SLC24A1: variants seen among roughly 807,000 people sequenced by gnomAD.
SLC24A1 encodes solute carrier family 24 member 1.
Under a neutral mutation model 88.1 loss-of-function variants are expected in SLC24A1, and 52 were observed. That is an observed-to-expected ratio of 0.59 (90% CI 0.47 to 0.74). SLC24A1 has a LOEUF of 0.74. Ranked by LOEUF, SLC24A1 falls within the 30% of genes least tolerant of loss-of-function variation. SLC24A1 has a pLI of 0.00. For synonymous variants in SLC24A1, 455 were observed against 498.0 expected (o/e 0.91, Z 1.15); for missense variants, 1,173 against 1,363.3 (o/e 0.86, Z 2.20).
At position 65,624,905 on chromosome 15, in the gene SLC24A1, C is replaced by A. The variant is rs1482262796; in HGVS notation, c.825C>A (p.Val275=). The stretch of plus-strand genomic sequence containing the variant: ...ACGTCTTGACTTCTCCAAGGAGCGT[C>A]ATGGAAAAAAACAACCTGTTTCCCC... ...EANVLTSPRS[V]MEKNNLFPPR... Residue 275 remains valine, a synonymous_variant, in exon 2 of 10, where the codon GTC becomes GTA. Transcript: ENST00000261892. 1.2e-6 allele frequency: 2 copies of A among 1,613,192 alleles called. No individual in the cohort carries two copies. Among genetic ancestry groups the A allele is most frequent in the Non-Finnish European group, 1.7e-6 (2 of 1,179,684 alleles).
chr15:65,652,035 C>T (rs1294575344), intron 8 of SLC24A1: 1 of 435,156 alleles, frequency 2.3e-6, no homozygotes, highest in South Asian at 2.0e-5. Context: ...TTCCTGCTTT[C>T]TCTGCCATGT....
intron 6 of SLC24A1, among the ~76,000 whole-genome samples, chr15:65,647,789 A>C (rs893565974): frequency 2.0e-5 from 3 of 152,178 alleles, no homozygotes; most frequent in South Asian, 2.1e-4. Flanking sequence ...AATCTTCTCA[A>C]TCCTCATTCT....
chr15:65,624,152 C>A lies in SLC24A1; in HGVS notation c.72C>A (p.Arg24=). ...LLRTKRLHWS[R]LLFLLGMLII... is the part of the protein sequence containing the mutation. ...GGACAAAGCGGCTTCATTGGAGTCG[C>A]CTCCTCTTCTTACTGGGAATGTTGA... Residue 24 remains arginine (R), a synonymous_variant, in exon 2 of 10, where the codon CGC becomes CGA. Transcript: ENST00000261892. 6.2e-7 allele frequency: 1 copy of A among 1,613,708 alleles called. No individual in the cohort carries two copies.
downstream of SLC24A1, among the ~76,000 whole-genome samples, chr15:65,657,367 C>T (rs188924034): frequency 6.6e-6 from 1 of 152,034 alleles, no homozygotes; most frequent in Admixed American, 6.6e-5. Flanking sequence ...AAGGGCCGGG[C>T]GCGGTGGCTC....
rs1467689441 is a variant in SLC24A1, at chr15:65,622,103, T to C, written c.-127+11T>C. 6.6e-6 allele frequency: 1 copy of C among 152,120 alleles called. No individual in the cohort carries two copies. Among genetic ancestry groups the C allele is most frequent in the Non-Finnish European group, 1.5e-5 (1 of 68,046 alleles). 9.4% of individuals were successfully genotyped at this position (152,120 alleles called of 1,614,324 possible). ...TGTCAAGGTCTGAAGGTAAATGATGTAATTAGGTAGGAGGGATCAGCTGGG... is the reference window on the plus strand; with the variant it reads ...TGTCAAGGTCTGAAGGTAAATGATGCAATTAGGTAGGAGGGATCAGCTGGG... On this transcript the variant is annotated intron_variant, in intron 1 of 9. Coordinates refer to ENST00000261892, the MANE Select transcript of SLC24A1 (RefSeq NM_004727.3).
At chr15:65,629,880 C>T (rs1012644681) in intron 2 of SLC24A1, among the ~76,000 whole-genome samples, 4 of 149,644 alleles carry the variant, frequency 2.7e-5, no homozygotes, top group East Asian at 3.9e-4. Flanking sequence ...AGCTCCGTAC[C>T]CACACTCTTC....
intron 2 of SLC24A1, among the ~76,000 whole-genome samples, chr15:65,626,854 G>A (rs971896597): frequency 2.0e-5 from 3 of 152,146 alleles, no homozygotes; most frequent in Non-Finnish European, 4.4e-5. Context: ...ATCATTCCAA[G>A]TTTTTTGTTC....
intron 6 of SLC24A1, among the ~76,000 whole-genome samples, chr15:65,648,271 A>G (rs2141685359): frequency 6.6e-6 from 1 of 152,262 alleles, no homozygotes; most frequent in Non-Finnish European, 1.5e-5. Context: ...AAACAAAAAA[A>G]AAAGCCTTCA....
At chr15:65,635,673 A>G (rs770202596) in intron 2 of SLC24A1, among the ~76,000 whole-genome samples, 1 of 152,174 alleles carries the variant, frequency 6.6e-6, no homozygotes, top group East Asian at 1.9e-4. Flanking sequence ...ATTCATTTTT[A>G]TGTTCATTCA....
At chr15:65,639,172 T>C (rs2075039013) in intron 3 of SLC24A1, among the ~76,000 whole-genome samples, 1 of 152,204 alleles carries the variant, frequency 6.6e-6, no homozygotes, top group Admixed American at 6.6e-5. Flanking sequence ...TTTGCTTGTC[T>C]CTGGGAGTGG....
rs764875469 is a variant in SLC24A1, at chr15:65,625,512, G to A, written c.1432G>A (p.Val478Ile). Reference sequence around the variant, plus strand: ...GGCCATTGTTTGCGACGAGTACTTCGTTCCAGCCCTGGGTGTCATCACAGA... The same window carrying A: ...GGCCATTGTTTGCGACGAGTACTTCATTCCAGCCCTGGGTGTCATCACAGA... ...ALAIVCDEYFVPALGVITDKL... is the reference protein window; with the variant it reads ...ALAIVCDEYFIPALGVITDKL... Residue 478 changes from valine to isoleucine, a missense_variant, in exon 2 of 10, where the codon GTT (valine) becomes ATT (isoleucine). By Grantham distance (29) the Val-to-Ile change is conservative. Transcript: ENST00000261892. 1.1e-5 allele frequency: 18 copies of A among 1,613,892 alleles called. No individual in the cohort carries two copies. Among genetic ancestry groups the A allele is most frequent in the African/African-American group, 2.7e-5 (2 of 74,922 alleles).
chr15:65,643,094 C>A, intron 4 of SLC24A1: 1 of 1,119,932 alleles, frequency 8.9e-7, no homozygotes, highest in Non-Finnish European at 1.2e-6. Flanking sequence ...AGAGTGCTTT[C>A]TAGGTGCCAG....
chr15:65,657,839 G>A (rs1404517563), downstream of SLC24A1, among the ~76,000 whole-genome samples: 2 of 152,126 alleles, frequency 1.3e-5, no homozygotes, highest in East Asian at 1.9e-4. Flanking sequence ...GTTCACTAAC[G>A]CCTACAGGAC....
Position 65,624,701 on chromosome 15 carries a change from A to G in SLC24A1, c.621A>G (p.Thr207=). The G allele has an allele frequency of 6.2e-7, 1 of 1,609,116 alleles. No homozygotes were observed. The highest frequency in any genetic ancestry group is 8.5e-7 in the Non-Finnish European group (1 of 1,177,490). Reference sequence around the variant, plus strand: ...CTTACGTGCCGTCCACATTCATGACAATGGAAACAAGCCATGCGATCACCC... The same window carrying G: ...CTTACGTGCCGTCCACATTCATGACGATGGAAACAAGCCATGCGATCACCC... ...VGTYVPSTFM[T]METSHAITPR... The change falls in exon 2 of 10, where the codon ACA becomes ACG. Residue 207 remains threonine (T), a synonymous_variant. Coordinates refer to ENST00000261892, the MANE Select transcript of SLC24A1 (RefSeq NM_004727.3).
At chr15:65,628,220 A>G (rs2074584906) in intron 2 of SLC24A1, among the ~76,000 whole-genome samples, 1 of 152,110 alleles carries the variant, frequency 6.6e-6, no homozygotes, top group African/African-American at 2.4e-5. Flanking sequence ...CAGCTTCCCA[A>G]ACTGCTGAAG....
chr15:65,626,373 C>T (rs78203615), intron 2 of SLC24A1, among the ~76,000 whole-genome samples: 2 of 152,100 alleles, frequency 1.3e-5, no homozygotes, highest in African/African-American at 2.4e-5. Flanking sequence ...AGATGCCAGG[C>T]GAGGAAAAAT....
chr15:65,636,168 C>T (rs1413712269), intron 2 of SLC24A1, among the ~76,000 whole-genome samples: 2 of 152,190 alleles, frequency 1.3e-5, no homozygotes, highest in Non-Finnish European at 2.9e-5. Flanking sequence ...AAAGATAACA[C>T]TAAAGGCTGG....
At chr15:65,648,008 C>A (rs1342447503) in intron 6 of SLC24A1, among the ~76,000 whole-genome samples, 1 of 152,174 alleles carries the variant, frequency 6.6e-6, no homozygotes, top group Non-Finnish European at 1.5e-5. Flanking sequence ...CGCCTGTAAT[C>A]CCAGCACTTT....
downstream of SLC24A1, among the ~76,000 whole-genome samples, chr15:65,657,201 A>G (rs1050390105): frequency 6.6e-6 from 1 of 152,156 alleles, no homozygotes; most frequent in Non-Finnish European, 1.5e-5. Flanking sequence ...TGAACATTAT[A>G]TTGCACTGTC....
Sources: allele counts gnomAD v4.1 joint callset (sites outside exome capture counted in the v4.1 genomes callset), GRCh38; gene constraint gnomAD v4.1.1; transcripts MANE v1.5; gene names NCBI Gene and HGNC (gene_info 2026-07-23, HGNC 2026-07-21).